DPP6: variants seen among roughly 807,000 people sequenced by gnomAD.
DPP6 encodes dipeptidyl peptidase like 6.
DPP6 carries 69 observed loss-of-function variants against 122.6 expected under a neutral mutation model. That is an observed-to-expected ratio of 0.56 (90% CI 0.46 to 0.69). The LOEUF (loss-of-function observed/expected upper bound fraction) is 0.69, where lower values mean the gene tolerates loss of function less well. DPP6 is among the 30% of genes least tolerant of loss of function. The pLI, the probability that DPP6 is intolerant of heterozygous loss-of-function variation, is 0.00. For missense variants in DPP6, 928 were observed against 1,116.9 expected (o/e 0.83, Z 2.41); for synonymous variants, 418 against 433.1 (o/e 0.97, Z 0.43).
At chr7:154,452,404 C>T (rs1209915491) in intron 2 of DPP6, among the ~76,000 whole-genome samples, 1 of 152,210 alleles carries the variant, frequency 6.6e-6, no homozygotes, top group Non-Finnish European at 1.5e-5. Flanking sequence ...GACAGTCAGT[C>T]TTCAACAGTG....
At chr7:154,197,510 G>A (rs931073136) in intron 1 of DPP6, among the ~76,000 whole-genome samples, 16 of 152,142 alleles carry the variant, frequency 1.1e-4, no homozygotes, top group Non-Finnish European at 2.2e-4. Context: ...ATCAGAGAGT[G>A]TTCCTGATTT....
At chr7:154,593,451 C>A (rs558646467) in intron 5 of DPP6, among the ~76,000 whole-genome samples, 2 of 152,222 alleles carry the variant, frequency 1.3e-5, no homozygotes, top group African/African-American at 2.4e-5. Context: ...TGCACTCTTA[C>A]ACTGTGCTGT....
intron 1 of DPP6, among the ~76,000 whole-genome samples, chr7:153,927,715 C>G (rs1585044356): frequency 1.3e-5 from 2 of 152,030 alleles, no homozygotes; most frequent in African/African-American, 4.8e-5. Flanking sequence ...TCCAACCACC[C>G]TAGGAAGACT....
rs928775116 is a variant in DPP6, at chr7:154,807,173, G to A, written c.1666+61G>A. 6.3e-6 allele frequency: 10 copies of A among 1,586,564 alleles called. No individual in the cohort carries two copies. In the Middle Eastern group the frequency reaches 6.7e-4, roughly 106 times the overall value. Reference sequence around the variant, plus strand: ...TGGCAGGCACATTTGCAGGGAGGGGGTGGGCACACTTGCAGGGAGGGGGCA... The same window carrying A: ...TGGCAGGCACATTTGCAGGGAGGGGATGGGCACACTTGCAGGGAGGGGGCA... On this transcript the variant is annotated intron_variant, in intron 16 of 25. Coordinates refer to ENST00000377770, the MANE Select transcript of DPP6 (RefSeq NM_130797.4).
chr7:154,757,151 G>A (rs533405126), intron 8 of DPP6, among the ~76,000 whole-genome samples: 4 of 144,692 alleles, frequency 2.8e-5, no homozygotes, highest in East Asian at 4.2e-4. Context: ...CATCCCTCAC[G>A]TACCCTGAGG....
chr7:153,777,418 C>T, the DPP6 span, among the ~76,000 whole-genome samples: 1 of 138,330 alleles, frequency 7.2e-6, no homozygotes, highest in South Asian at 2.5e-4. Context: ...AAGGTGTGCT[C>T]ACATAAAAAC....
chr7:154,145,655 C>G (rs1351483071), intron 1 of DPP6, among the ~76,000 whole-genome samples: 3 of 129,204 alleles, frequency 2.3e-5, no homozygotes, highest in Non-Finnish European at 4.9e-5. Flanking sequence ...GGGCCTGGCT[C>G]TGCAGCTGGG....
At chr7:154,683,899 A>C (rs984902934) in intron 7 of DPP6, among the ~76,000 whole-genome samples, 1 of 152,174 alleles carries the variant, frequency 6.6e-6, no homozygotes, top group African/African-American at 2.4e-5. Flanking sequence ...GACCATGTCT[A>C]GCTCTATCAC....
At chr7:153,783,171 T>C in the DPP6 span, among the ~76,000 whole-genome samples, 4 of 152,082 alleles carry the variant, frequency 2.6e-5, no homozygotes, top group South Asian at 4.2e-4. Flanking sequence ...AGAAATAGTG[T>C]GTATTAGTCT....
In DPP6 at chr7:154,219,618, G is replaced by A. The variant is rs185122663; in HGVS notation, c.243+166555G>A. Among the ~76,000 whole-genome samples the A allele has an allele frequency of 2.2e-4, 34 of 151,262 alleles. No individual in the cohort carries two copies. The East Asian group carries it at 3.5e-3, about 16-fold the overall frequency. On this transcript the variant is annotated intron_variant, in intron 1 of 25. Transcript: ENST00000377770. ...CTTTGAGACGGAGTCTCCCACTATC[G>A]TTCTGTTGCCCAGGCTGGTGTGCAG...
chr7:153,938,413 T>G (rs2129015966), intron 1 of DPP6, among the ~76,000 whole-genome samples: 1 of 152,300 alleles, frequency 6.6e-6, no homozygotes, highest in East Asian at 1.9e-4. Flanking sequence ...AAAATGAGTT[T>G]CCAGGGTAGA....
intron 1 of DPP6, among the ~76,000 whole-genome samples, chr7:154,193,294 C>A (rs576332548): frequency 5.3e-5 from 8 of 152,318 alleles, no homozygotes; most frequent in African/African-American, 1.7e-4. Context: ...TAGGAAAAAA[C>A]AGCATTCTCG....
intron 3 of DPP6, among the ~76,000 whole-genome samples, chr7:154,512,864 G>A (rs1826198037): frequency 6.6e-6 from 1 of 152,126 alleles, no homozygotes; most frequent in East Asian, 1.9e-4. Context: ...TCAGTCATTA[G>A]ACTAGACTCA....
chr7:154,163,870 A>G (rs1275986195), intron 1 of DPP6, among the ~76,000 whole-genome samples: 3 of 152,146 alleles, frequency 2.0e-5, no homozygotes, highest in Non-Finnish European at 2.9e-5. Context: ...CCCTCTCACT[A>G]CAGGGCACGC....
At position 154,564,300 on chromosome 7, in the gene DPP6, TAGAC is replaced by T. The variant is rs1313645161; in HGVS notation, c.553-2535_553-2532del. On this transcript the variant is annotated intron_variant, in intron 4 of 25. Coordinates refer to ENST00000377770, the MANE Select transcript of DPP6 (RefSeq NM_130797.4). ...CATGGAGAATATTTTCAAGGGGAAG[TAGAC>T]AGACAGTTTTCTAAAGATAAAATCA... Among the ~76,000 whole-genome samples, 8 of 152,226 alleles carry T rather than the reference TAGAC, an allele frequency of 5.3e-5. No homozygotes were observed. In the East Asian group the frequency reaches 5.8e-4, roughly 11 times the overall value.
At chr7:154,545,174 A>G (rs1478619827) in intron 4 of DPP6, among the ~76,000 whole-genome samples, 1 of 152,196 alleles carries the variant, frequency 6.6e-6, no homozygotes, top group Non-Finnish European at 1.5e-5. Flanking sequence ...ACTCTTTTAA[A>G]CACAATTTTA....
intron 20 of DPP6, among the ~76,000 whole-genome samples, chr7:154,878,023 C>T (rs1805039617): frequency 6.6e-6 from 1 of 152,194 alleles, no homozygotes. Context: ...CACGAGTGCT[C>T]TCCTGGCTTC....
intron 1 of DPP6, among the ~76,000 whole-genome samples, chr7:154,119,240 C>G (rs1295922828): frequency 6.6e-6 from 1 of 152,188 alleles, no homozygotes; most frequent in South Asian, 2.1e-4. Context: ...CCATTATGCT[C>G]TGGAGGTTTT....
At chr7:153,898,876 G>T (rs965666111) in intron 1 of DPP6, among the ~76,000 whole-genome samples, 2 of 152,136 alleles carry the variant, frequency 1.3e-5, no homozygotes, top group African/African-American at 4.8e-5. Flanking sequence ...TCTTTTCTGT[G>T]CTTTGCTGGT....
Sources: gnomAD v4.1 joint callset for allele counts (sites outside exome capture counted in the v4.1 genomes callset) on GRCh38, gnomAD v4.1.1 for gene constraint, MANE v1.5 for transcripts, NCBI Gene and HGNC (gene_info 2026-07-23, HGNC 2026-07-21) for gene names.